Variants in DYSF observed in about 807,000 individuals in gnomAD.
DYSF encodes the protein dystrophy-associated fer-1-like 1.
Under a neutral mutation model 274.9 loss-of-function variants are expected in DYSF, and 212 were observed. The ratio of observed to expected loss-of-function variants is 0.77; its 90% CI spans 0.69 to 0.86. The LOEUF is 0.86. Among genes scored for constraint, DYSF ranks in the 40% least tolerant of loss-of-function variants. The pLI, the probability that DYSF is intolerant of heterozygous loss-of-function variation, is 0.00. For missense variants in DYSF, 2,666 were observed against 2,783.2 expected (o/e 0.96, Z 0.95); for synonymous variants, 1,091 against 1,078.7 (o/e 1.01, Z -0.22).
chr2:71,570,292 G>A lies in DYSF; in HGVS notation c.3043G>A (p.Glu1015Lys), dbSNP rs755791637. ...ECPLGWKWED[E>K]EWSTDLNRAV... Reference sequence around the variant, plus strand: ...CCCACTGGGCTGGAAGTGGGAAGATGAGGAATGGTCCACAGACCTCAACCG... The same window carrying A: ...CCCACTGGGCTGGAAGTGGGAAGATAAGGAATGGTCCACAGACCTCAACCG... Residue 1015 changes from glutamate (E) to lysine (K), a missense_variant, in exon 28 of 56, where the codon GAG becomes AAG. Physicochemically the swap from Glu to Lys is moderately conservative, Grantham distance 56. Coordinates refer to ENST00000410020, the MANE Select transcript of DYSF (RefSeq NM_001130987.2). 5.6e-6 allele frequency: 9 copies of A among 1,614,058 alleles called. No individual in the cohort carries two copies. The highest frequency in any genetic ancestry group is 5.3e-5 in the African/African-American group (4 of 74,924).
chr2:71,467,919 T>C (rs1358492318), intron 1 of DYSF, among the ~76,000 whole-genome samples: 1 of 152,228 alleles, frequency 6.6e-6, no homozygotes, highest in Non-Finnish European at 1.5e-5. Context: ...CTCTTTTCAG[T>C]CTGACCCATG....
intron 41 of DYSF, among the ~76,000 whole-genome samples, chr2:71,628,066 T>C (rs1433855642): frequency 6.6e-6 from 1 of 152,156 alleles, no homozygotes; most frequent in Non-Finnish European, 1.5e-5. Flanking sequence ...TTGAATTTGT[T>C]TCTGCCATCT....
intron 3 of DYSF, among the ~76,000 whole-genome samples, chr2:71,488,341 T>C (rs1356094858): frequency 6.6e-6 from 1 of 152,234 alleles, no homozygotes; most frequent in African/African-American, 2.4e-5. Flanking sequence ...AGGTGTTTTT[T>C]ATATTTAAAT....
intron 1 of DYSF, among the ~76,000 whole-genome samples, chr2:71,459,364 G>T (rs1164275139): frequency 6.6e-6 from 1 of 152,186 alleles, no homozygotes. Flanking sequence ...TGCCTTCCTC[G>T]ATGGTCAGGA....
intron 55 of DYSF, among the ~76,000 whole-genome samples, 176 bp from the exon 56 acceptor site, chr2:71,686,278 C>G (rs755140547): frequency 5.8e-4 from 89 of 152,152 alleles, no homozygotes; most frequent in Non-Finnish European, 1.2e-3. Context: ...GTATGGATGG[C>G]AAGTGGTGAG....
At chr2:71,463,638 C>T (rs551989087), upstream of DYSF, among the ~76,000 whole-genome samples, 1 of 152,388 alleles carries the variant, frequency 6.6e-6, no homozygotes, top group African/African-American at 2.4e-5. Flanking sequence ...CCATGTTTCT[C>T]TCTGATCTGC....
At position 71,667,410 on chromosome 2, in the gene DYSF, A is replaced by G. The variant is rs1422915675; in HGVS notation, c.5352A>G (p.Pro1784=). 3.1e-6 allele frequency: 5 copies of G among 1,614,120 alleles called. No individual in the cohort carries two copies. The highest frequency in any genetic ancestry group is 1.1e-5 in the South Asian group (1 of 91,088). Residue 1784 remains proline (P), a synonymous_variant, in exon 48 of 56, where the codon CCA becomes CCG. Transcript: ENST00000410020. ...GGATCCCAAACCCACACCTGGGCCC[A>G]GTGGAGGAGCGTCTGGCTCTGCATG... ...AGRIPNPHLG[P]VEERLALHVL... is the part of the protein sequence containing the mutation.
intron 3 of DYSF, among the ~76,000 whole-genome samples, chr2:71,496,413 G>A (rs867905087): frequency 3.9e-5 from 6 of 152,122 alleles, no homozygotes; most frequent in East Asian, 1.9e-4. Context: ...AGGGGAACAC[G>A]GGGACAAGCG....
intron 49 of DYSF, 125 bp from the exon 50 acceptor site, chr2:71,668,987 C>G: frequency 3.9e-6 from 5 of 1,293,514 alleles, no homozygotes; most frequent in Non-Finnish European, 5.5e-6. Context: ...GGGCCTGGGC[C>G]AGTGTCCAGC....
chr2:71,627,519 A>T (rs114610756), intron 41 of DYSF, among the ~76,000 whole-genome samples: 85 of 152,202 alleles, frequency 5.6e-4, no homozygotes, highest in Non-Finnish European at 1.1e-3. Flanking sequence ...TTAAATCTGT[A>T]ACTGTCCTGT....
intron 40 of DYSF, among the ~76,000 whole-genome samples, chr2:71,618,476 T>TGG (rs2093990524): frequency 8.7e-6 from 1 of 114,878 alleles, no homozygotes; most frequent in Non-Finnish European, 1.7e-5. Context: ...GTGGTAGAGG[T>TGG]GTGTGTGTGG....
chr2:71,583,641 AG>A (rs1290682271), intron 30 of DYSF, among the ~76,000 whole-genome samples: 1 of 152,182 alleles, frequency 6.6e-6, no homozygotes, highest in Non-Finnish European at 1.5e-5. Context: ...GGCCCTGTTT[AG>A]ACCAAGGCAC....
intron 3 of DYSF, among the ~76,000 whole-genome samples, chr2:71,486,113 T>C (rs1048156249): frequency 1.3e-5 from 2 of 151,828 alleles, no homozygotes; most frequent in Non-Finnish European, 2.9e-5. Flanking sequence ...AGTTGGTGGG[T>C]TCCAGTGAGG....
At chr2:71,585,436 T>G (rs933884994) in intron 30 of DYSF, among the ~76,000 whole-genome samples, 4 of 152,100 alleles carry the variant, frequency 2.6e-5, no homozygotes, top group African/African-American at 7.2e-5. Context: ...CGTAAATGGG[T>G]GGCACATCAG....
At chr2:71,487,621 G>C (rs2152691404) in intron 3 of DYSF, among the ~76,000 whole-genome samples, 1 of 152,310 alleles carries the variant, frequency 6.6e-6, no homozygotes, top group South Asian at 2.1e-4. Flanking sequence ...CGATTCTCCT[G>C]TCTCAGCCTC....
chr2:71,667,319 C>T, intron 47 of DYSF, 57 bp from the exon 48 acceptor site: 1 of 1,612,422 alleles, frequency 6.2e-7, no homozygotes, highest in Non-Finnish European at 8.5e-7. Flanking sequence ...ACTGGGCAGC[C>T]CCATTATCTC....
chr2:71,470,673 CAAAAAAAAAAA>C (rs776955310), intron 1 of DYSF, among the ~76,000 whole-genome samples: 1 of 57,704 alleles, frequency 1.7e-5, no homozygotes, highest in Non-Finnish European at 2.9e-5. Flanking sequence ...GACTCCATCT[CAAAAAAAAAAA>C]AAAAAAAAAG....
At chr2:71,471,881 G>T (rs1228222340) in intron 1 of DYSF, among the ~76,000 whole-genome samples, 1 of 151,968 alleles carries the variant, frequency 6.6e-6, no homozygotes, top group East Asian at 1.9e-4. Context: ...CACAAGAATC[G>T]CTTGAACCCA....
chr2:71,462,105 C>T (rs1478476092), upstream of DYSF, among the ~76,000 whole-genome samples: 1 of 152,226 alleles, frequency 6.6e-6, no homozygotes, highest in Non-Finnish European at 1.5e-5. Flanking sequence ...CTTCTGCCCA[C>T]TCAGCCTGGC....
Sources: gnomAD v4.1 joint callset for allele counts (sites outside exome capture counted in the v4.1 genomes callset) on GRCh38, gnomAD v4.1.1 for gene constraint, MANE v1.5 for transcripts, NCBI Gene and HGNC (gene_info 2026-07-23, HGNC 2026-07-21) for gene names.